The following DRC11L variants were observed in gnomAD, a reference collection of about 807,000 sequenced individuals.
The protein encoded by DRC11L is dynein regulatory complex subunit 11 like, also known as dynein regulatory complex subunit like-11.
At chr7:151,197,151 C>G in the DRC11L span, 1 of 398,238 alleles carries the variant, frequency 2.5e-6, no homozygotes, top group African/African-American at 2.1e-5. Flanking sequence ...CCACGAGTTC[C>G]CCCACACCTT....
the DRC11L span, among the ~76,000 whole-genome samples, chr7:151,193,039 G>C: frequency 6.6e-6 from 1 of 152,162 alleles, no homozygotes; most frequent in Non-Finnish European, 1.5e-5. Context: ...TGCCCCCCAT[G>C]GGGGAGCTGC....
the DRC11L span, among the ~76,000 whole-genome samples, chr7:151,200,937 GT>G: frequency 6.6e-6 from 1 of 152,076 alleles, no homozygotes; most frequent in African/African-American, 2.4e-5. Flanking sequence ...GACCCCATCT[GT>G]GCAGAGCTGG....
the DRC11L span, chr7:151,191,976 G>A: frequency 2.5e-6 from 1 of 398,328 alleles, no homozygotes. Flanking sequence ...AAGGAGTTTT[G>A]TGCTCCGGGG....
At chr7:151,191,991 G>C in the DRC11L span, 1 of 398,098 alleles carries the variant, frequency 2.5e-6, no homozygotes, top group African/African-American at 2.1e-5. Context: ...CCGGGGAGCA[G>C]CTCCACATCC....
chr7:151,196,336 G>C, the DRC11L span: 4 of 398,182 alleles, frequency 1.0e-5, no homozygotes, highest in Admixed American at 1.8e-4. Flanking sequence ...TTCAGGACAA[G>C]AGAGAGGCAG....
At chr7:151,198,092 AGGTGGGTAGAAG>A in the DRC11L span, among the ~76,000 whole-genome samples, 1 of 145,736 alleles carries the variant, frequency 6.9e-6, no homozygotes, top group Non-Finnish European at 1.5e-5. Flanking sequence ...ATAGATGGAG[AGGTGGGTAGAAG>A]GGTGGGTGGG....
the DRC11L span, chr7:151,196,501 C>CG: frequency 2.5e-6 from 1 of 399,634 alleles, no homozygotes; most frequent in Non-Finnish European, 4.4e-6. Context: ...CGGAGGGTCT[C>CG]GGAGTCATAA....
chr7:151,197,449 C>G, the DRC11L span: 2 of 397,854 alleles, frequency 5.0e-6, no homozygotes, highest in African/African-American at 4.1e-5. Context: ...TGGGGTGAAC[C>G]AACGATTCCC....
chr7:151,197,130 C>T, the DRC11L span: 1 of 399,866 alleles, frequency 2.5e-6, no homozygotes, highest in South Asian at 1.3e-4. Context: ...TTACCTGAAC[C>T]CATCTTCCTA....
the DRC11L span, among the ~76,000 whole-genome samples, chr7:151,198,469 G>A: frequency 6.6e-6 from 1 of 152,192 alleles, no homozygotes. Flanking sequence ...CAGGGTGACG[G>A]AGGGAGAGGT....
At chr7:151,191,865 G>A in the DRC11L span, 5 of 399,028 alleles carry the variant, frequency 1.3e-5, no homozygotes, top group African/African-American at 2.1e-5. Context: ...TCTATCATAC[G>A]CTTCCAGAGC....
At chr7:151,197,254 T>C in the DRC11L span, 1 of 399,600 alleles carries the variant, frequency 2.5e-6, no homozygotes, top group Non-Finnish European at 4.4e-6. Flanking sequence ...TTTTTCATCC[T>C]TTCCTTTTTC....
At chr7:151,193,159 G>T in the DRC11L span, 3 of 397,940 alleles carry the variant, frequency 7.5e-6, no homozygotes, top group East Asian at 1.1e-4. Flanking sequence ...AGCCCGGTTG[G>T]TAGGGAGACC....
chr7:151,196,139 G>T, the DRC11L span, among the ~76,000 whole-genome samples: 159 of 152,294 alleles, frequency 1.0e-3, no homozygotes, highest in African/African-American at 3.5e-3. Flanking sequence ...GATGGTGGGG[G>T]GGTGTGGACA....
chr7:151,198,191 T>G, the DRC11L span, among the ~76,000 whole-genome samples: 1 of 99,804 alleles, frequency 1.0e-5, no homozygotes, highest in African/African-American at 4.0e-5. Context: ...GATGGGGAGA[T>G]GGAGAGGTGG....
chr7:151,196,933 C>T, the DRC11L span: 1 of 399,200 alleles, frequency 2.5e-6, no homozygotes, highest in Non-Finnish European at 4.4e-6. Flanking sequence ...GGCCCCAGGT[C>T]CCACAAGGCA....
At chr7:151,195,582 G>A in the DRC11L span, 4 of 375,436 alleles carry the variant, frequency 1.1e-5, no homozygotes, top group Admixed American at 1.9e-4. Context: ...TGCCTTTGGA[G>A]CCCTCAGGGG....
chr7:151,197,808 C>G, the DRC11L span: 2 of 399,032 alleles, frequency 5.0e-6, no homozygotes, highest in Non-Finnish European at 8.8e-6. Context: ...TCTGCCCCAC[C>G]TCCAACAGGG....
chr7:151,195,298 G>C, the DRC11L span: 8 of 397,838 alleles, frequency 2.0e-5, no homozygotes, highest in East Asian at 2.9e-4. Flanking sequence ...AACGAGGCCA[G>C]GGAGTCAGAG....
Sources: allele counts gnomAD v4.1 joint callset (sites outside exome capture counted in the v4.1 genomes callset), GRCh38; gene constraint gnomAD v4.1.1; transcripts MANE v1.5; gene names NCBI Gene and HGNC (gene_info 2026-07-23, HGNC 2026-07-21).